The following TNRC6A variants were observed in gnomAD, a reference collection of about 807,000 sequenced individuals.
TNRC6A encodes trinucleotide repeat-containing gene 6A protein.
In TNRC6A, 44 loss-of-function variants were observed where a neutral mutation model predicts 221.2. That is an observed-to-expected ratio of 0.20 (90% CI 0.16 to 0.26). TNRC6A has a LOEUF of 0.26. Ranked by LOEUF, TNRC6A falls within the 10% of genes least tolerant of loss-of-function variation. The pLI is 1.00. For synonymous variants in TNRC6A, 847 were observed against 838.5 expected (o/e 1.01, Z -0.18); for missense variants, 2,199 against 2,404.4 (o/e 0.91, Z 1.79).
intron 2 of TNRC6A, among the ~76,000 whole-genome samples, chr16:24,709,896 T>C (rs1182184861): frequency 1.3e-5 from 2 of 151,284 alleles, no homozygotes; most frequent in Non-Finnish European, 2.9e-5. Flanking sequence ...CTGTCACAGG[T>C]GTCTTAAATA....
intron 3 of TNRC6A, among the ~76,000 whole-genome samples, chr16:24,753,743 G>T (rs2057188003): frequency 6.6e-6 from 1 of 152,226 alleles, no homozygotes; most frequent in African/African-American, 2.4e-5. Context: ...TTATATAAAT[G>T]TTGGCACATA....
intron 2 of TNRC6A, among the ~76,000 whole-genome samples, chr16:24,712,918 T>A (rs935714185): frequency 2.3e-5 from 1 of 43,450 alleles, no homozygotes; most frequent in African/African-American, 6.4e-5. Context: ...TGTGTGTGTG[T>A]GTGTGTGTGT....
chr16:24,716,423 C>A (rs1460089765), intron 2 of TNRC6A, among the ~76,000 whole-genome samples: 4 of 152,160 alleles, frequency 2.6e-5, no homozygotes, highest in African/African-American at 7.2e-5. Flanking sequence ...AATCCCAGCA[C>A]TTTGGGAGTC....
intron 2 of TNRC6A, among the ~76,000 whole-genome samples, chr16:24,686,931 G>A (rs1453351349): frequency 6.6e-6 from 1 of 152,166 alleles, no homozygotes; most frequent in Non-Finnish European, 1.5e-5. Context: ...TGCATTTGGA[G>A]TGGGACAGAC....
At chr16:24,777,689 C>T (rs2057755203) in intron 5 of TNRC6A, among the ~76,000 whole-genome samples, 1 of 152,144 alleles carries the variant, frequency 6.6e-6, no homozygotes, top group African/African-American at 2.4e-5. Flanking sequence ...CATATTATTG[C>T]ATTTAATCTT....
chr16:24,634,974 T>G (rs548560379), intron 1 of TNRC6A, among the ~76,000 whole-genome samples: 4 of 152,316 alleles, frequency 2.6e-5, no homozygotes, highest in Non-Finnish European at 5.9e-5. Flanking sequence ...GTTTTGTTGT[T>G]GTTGAGACAG....
At chr16:24,804,921 G>T (rs1048567794) in intron 13 of TNRC6A, 70 bp downstream of exon 13, 5 of 1,613,602 alleles carry the variant, frequency 3.1e-6, no homozygotes, top group East Asian at 2.2e-5. Context: ...TCTCTTACAT[G>T]TAGTTACTGT....
rs752952488 is a variant in TNRC6A, at chr16:24,820,226, C to T, written c.5168C>T (p.Pro1723Leu). ...LAHELWKVPL[P>L]PKNITAPSRP... ...CATGAGCTGTGGAAGGTCCCTTTGC[C>T]ACCTAAAAACATCACTGCTCCGTCC... Residue 1723 changes from proline to leucine, a missense_variant, in exon 22 of 25, where the codon CCA (proline) becomes CTA (leucine). Physicochemically the swap from Pro to Leu is moderately conservative, Grantham distance 98. Around this residue, in one of 8 missense-constraint regions of TNRC6A, gnomAD observed 449 missense variants for 579.7 expected, o/e 0.77. Transcript: ENST00000395799. 5 of 1,614,044 alleles carry T rather than the reference C, an allele frequency of 3.1e-6. No homozygotes were observed. The highest frequency in any genetic ancestry group is 1.7e-5 in the Admixed American group (1 of 60,006).
intron 22 of TNRC6A, chr16:24,821,654 A>C (rs921972653): frequency 6.3e-6 from 1 of 159,186 alleles, no homozygotes; most frequent in Non-Finnish European, 1.4e-5. Context: ...CGGGGAAAAC[A>C]AGGAGCATCT....
rs376630706 is a variant in TNRC6A, at chr16:24,710,259, C to T, written n.403-40467C>T. On this transcript the variant is annotated intron_variant and non_coding_transcript_variant, in intron 2 of 2. Coordinates refer to the TNRC6A transcript ENST00000566108. ...AAAAAAAATTGTAAACACAAACTAA[C>T]ATAAAAGTTCAAAGCACAGAAAAAA... Among the ~76,000 whole-genome samples the T allele has an allele frequency of 1.3e-3, 191 of 151,400 alleles. 1 individual carries two copies. Among genetic ancestry groups the T allele is most frequent in the African/African-American group, 4.5e-3 (184 of 41,260 alleles).
rs2058101845 is a variant in TNRC6A, at chr16:24,791,582, A to C, written c.2940A>C (p.Lys980Asn). The C allele has an allele frequency of 6.3e-7, 1 of 1,577,918 alleles. No individual in the cohort carries two copies. The highest frequency in any genetic ancestry group is 8.6e-7 in the Non-Finnish European group (1 of 1,165,748). ...WLGGPIPAPAKEEEPTGWEEP... is the reference protein window; with the variant it reads ...WLGGPIPAPANEEEPTGWEEP... Reference sequence around the variant, plus strand: ...GGGGACCTATACCAGCCCCAGCAAAAGAAGAAGAACCCACAGGCTGGGAGG... The same window carrying C: ...GGGGACCTATACCAGCCCCAGCAAACGAAGAAGAACCCACAGGCTGGGAGG... The change falls in exon 6 of 25, where the codon AAA becomes AAC. Residue 980 changes from lysine (K) to asparagine (N), a missense_variant. Lys to Asn is a moderately conservative substitution (Grantham distance 94). Coordinates refer to ENST00000395799, the MANE Select transcript of TNRC6A (RefSeq NM_014494.4).
At chr16:24,747,078 G>GC (rs1596601249) in intron 2 of TNRC6A, among the ~76,000 whole-genome samples, 2 of 57,296 alleles carry the variant, frequency 3.5e-5, no homozygotes, top group East Asian at 2.2e-3. Context: ...TTGTTGTGTG[G>GC]AATCCTAATC....
intron 2 of TNRC6A, among the ~76,000 whole-genome samples, chr16:24,657,678 C>T (rs539607317): frequency 2.1e-5 from 3 of 143,306 alleles, no homozygotes; most frequent in Non-Finnish European, 4.5e-5. Flanking sequence ...CACTGCACTC[C>T]AGCTTGGGCG....
chr16:24,720,691 CAA>C (rs60226517), intron 2 of TNRC6A, among the ~76,000 whole-genome samples: 3 of 28,940 alleles, frequency 1.0e-4, no homozygotes, highest in Non-Finnish European at 2.5e-4. Context: ...AACTTCATCT[CAA>C]AAAAAAAAAA....
In TNRC6A at chr16:24,674,694, CCACACACACACACACACACA is replaced by C. The variant is rs3219528; in HGVS notation, n.402+33710_402+33729del. Among the ~76,000 whole-genome samples the C allele has an allele frequency of 3.4e-5, 5 of 146,272 alleles. No individual in the cohort carries two copies. The South Asian group carries it at 9.0e-4, about 26-fold the overall frequency. ...TTATTCTCTTACAACACTGCCCCCA[CCACACACACACACACACACA>C]CACACACACACACACACACACACAT... On this transcript the variant is annotated intron_variant and non_coding_transcript_variant, in intron 2 of 2. Transcript: ENST00000566108.
intron 18 of TNRC6A, among the ~76,000 whole-genome samples, 196 bp downstream of exon 18, chr16:24,809,677 C>T (rs976455311): frequency 2.6e-5 from 4 of 152,168 alleles, no homozygotes; most frequent in African/African-American, 9.7e-5. Flanking sequence ...TTTACCTCTA[C>T]TCTGTTTTAT....
chr16:24,784,539 G>A (rs2057925662), intron 5 of TNRC6A, among the ~76,000 whole-genome samples: 1 of 152,084 alleles, frequency 6.6e-6, no homozygotes, highest in Non-Finnish European at 1.5e-5. Context: ...GCCCAGGATA[G>A]TCTCACTTCT....
chr16:24,700,556 A>G (rs1165280269), intron 2 of TNRC6A, among the ~76,000 whole-genome samples: 1 of 151,952 alleles, frequency 6.6e-6, no homozygotes, highest in Non-Finnish European at 1.5e-5. Context: ...ATATTAAATA[A>G]ATAAGTAAGT....
At chr16:24,719,141 C>G (rs1323239657) in intron 2 of TNRC6A, among the ~76,000 whole-genome samples, 2 of 151,974 alleles carry the variant, frequency 1.3e-5, no homozygotes, top group Non-Finnish European at 2.9e-5. Flanking sequence ...ATGTACTAGG[C>G]ATTGTGCTAG....
Sources: gnomAD v4.1 joint callset for allele counts (sites outside exome capture counted in the v4.1 genomes callset) on GRCh38, gnomAD v4.1.1 for gene constraint, gnomAD v4.1.1 regional missense constraint, MANE v1.5 for transcripts, NCBI Gene and HGNC (gene_info 2026-07-23, HGNC 2026-07-21) for gene names.